WDR17: variants seen among roughly 807,000 people sequenced by gnomAD.
WDR17 encodes WD repeat-containing protein 17.
Under a neutral mutation model 161.7 loss-of-function variants are expected in WDR17, and 143 were observed. The observed-to-expected ratio is 0.88, with a 90% CI of 0.77 to 1.02. The LOEUF is 1.02. Among genes scored for constraint, WDR17 ranks in the 50% least tolerant of loss-of-function variants. The pLI, the probability that WDR17 is intolerant of heterozygous loss-of-function variation, is 0.00. For synonymous variants in WDR17, 517 were observed against 515.6 expected, an observed-to-expected ratio of 1.00 and a Z score of -0.04; for missense variants, 1,469 against 1,520.9, an observed-to-expected ratio of 0.97 and a Z score of 0.57.
chr4:176,151,760 CA>C (rs1747153775), intron 16 of WDR17, 51 bp from the exon 17 acceptor site: 13 of 1,482,896 alleles, frequency 8.8e-6, no homozygotes, highest in Non-Finnish European at 1.1e-5. Flanking sequence ...GTGACACATA[CA>C]AAACAAAATA....
At position 176,179,669 on chromosome 4, in the gene WDR17, G is replaced by C. The variant is rs1751954731; in HGVS notation, c.*90G>C. The C allele has an allele frequency of 2.3e-6, 3 of 1,304,234 alleles. No homozygotes were observed. Among genetic ancestry groups the C allele is most frequent in the African/African-American group, 1.5e-5 (1 of 66,098 alleles). 80.8% of individuals were successfully genotyped at this position (1,304,234 alleles called of 1,614,324 possible). ...CTTAATCTTTGTTGCTCAAGTGCCA[G>C]AGGTTGGGAGAAGGATTGCAGGTTG... On this transcript the variant is annotated 3_prime_UTR_variant, in exon 29 of 29. Coordinates refer to ENST00000508596, the MANE Select transcript of WDR17 (RefSeq NM_181265.4).
At position 176,125,306 on chromosome 4, in the gene WDR17, A is replaced by G; in HGVS notation, c.741A>G (p.Val247=). 6.2e-7 allele frequency: 1 copy of G among 1,614,150 alleles called. No individual in the cohort carries two copies. The highest frequency in any genetic ancestry group is 2.2e-5 in the East Asian group (1 of 44,870). The change falls in exon 5 of 29, where the codon GTA becomes GTG. Residue 247 remains valine, a synonymous_variant. Transcript: ENST00000508596. Reference sequence around the variant, plus strand: ...ATCTTCCCAGTGCAGCAGCTTCTGTACAGTGCTTAGCCTGGGTTCCCAGTG... The same window carrying G: ...ATCTTCCCAGTGCAGCAGCTTCTGTGCAGTGCTTAGCCTGGGTTCCCAGTG... ...TFNLPSAAAS[V]QCLAWVPSAP...
rs138721671 is a variant in WDR17 at position 176,092,943 on chromosome 4, G to A, written c.-6-18632G>A. ...TGTGGTCCCAGCTACTTTGGTGGTTGAGGCATGAGAATCGCTTGAACCTGG... is the reference window on the plus strand; with the variant it reads ...TGTGGTCCCAGCTACTTTGGTGGTTAAGGCATGAGAATCGCTTGAACCTGG... On this transcript the variant is annotated intron_variant, in intron 1 of 28. Coordinates refer to ENST00000508596, the MANE Select transcript of WDR17 (RefSeq NM_181265.4). Among the ~76,000 whole-genome samples, 944 of 152,264 alleles carry A rather than the reference G, an allele frequency of 6.2e-3. 9 individuals are homozygous for A. The highest frequency in any genetic ancestry group is 0.022 in the African/African-American group (900 of 41,560).
chr4:176,147,882 A>G (rs1377115599), intron 12 of WDR17, among the ~76,000 whole-genome samples: 1 of 152,148 alleles, frequency 6.6e-6, no homozygotes, highest in Non-Finnish European at 1.5e-5. Context: ...CTATAAAGAA[A>G]AGTATGTGAG....
intron 15 of WDR17, 89 bp downstream of exon 15, chr4:176,150,262 C>G (rs960104649): frequency 1.3e-6 from 2 of 1,533,396 alleles, no homozygotes; most frequent in Non-Finnish European, 1.8e-6. Flanking sequence ...TTACATGTAC[C>G]ATTCTAATTC....
At chr4:176,163,128 A>T (rs1422777011) in intron 21 of WDR17, 26 bp from the exon 22 acceptor site, 8 of 1,613,994 alleles carry the variant, frequency 5.0e-6, no homozygotes, top group Non-Finnish European at 6.8e-6. Context: ...TATGCAACTG[A>T]AGAAATTATT....
intron 23 of WDR17, among the ~76,000 whole-genome samples, chr4:176,170,418 C>T (rs113136600): frequency 0.033 from 5,026 of 150,920 alleles, 255 homozygotes; most frequent in African/African-American, 0.11. Flanking sequence ...TGGGTTCAAG[C>T]GATTCTCCTG....
intron 1 of WDR17, among the ~76,000 whole-genome samples, chr4:176,104,412 T>C (rs1390515245): frequency 6.6e-6 from 1 of 152,100 alleles, no homozygotes; most frequent in Non-Finnish European, 1.5e-5. Flanking sequence ...TCATCATCAT[T>C]TAAGAGAATA....
chr4:176,144,367 TA>T (rs1386945857), intron 11 of WDR17, among the ~76,000 whole-genome samples: 3 of 152,218 alleles, frequency 2.0e-5, no homozygotes, highest in Non-Finnish European at 4.4e-5. Flanking sequence ...CCAACTACGT[TA>T]TCTGTGTTAA....
At chr4:176,177,746 A>G in intron 28 of WDR17, 92 bp downstream of exon 28, 1 of 1,348,636 alleles carries the variant, frequency 7.4e-7, no homozygotes, top group South Asian at 1.4e-5. Flanking sequence ...TTTGGATAAA[A>G]GTAGGTAATT....
intron 22 of WDR17, among the ~76,000 whole-genome samples, chr4:176,167,175 TA>T (rs1018993321): frequency 1.3e-5 from 2 of 152,136 alleles, no homozygotes; most frequent in African/African-American, 2.4e-5. Context: ...TCTTAAGTTT[TA>T]AAAAAGAATT....
At chr4:176,126,423 A>G (rs112795926) in intron 5 of WDR17, among the ~76,000 whole-genome samples, 6,956 of 152,298 alleles carry the variant, frequency 0.046, 237 homozygotes, top group Non-Finnish European at 0.07. Flanking sequence ...AGCGTAAAAT[A>G]ATAGGCAAAG....
intron 3 of WDR17, among the ~76,000 whole-genome samples, chr4:176,118,391 A>T (rs553905657): frequency 6.8e-4 from 104 of 152,188 alleles, no homozygotes; most frequent in Middle Eastern, 6.8e-3. Context: ...GGTAAATTCT[A>T]CTTCTGTTAA....
intron 21 of WDR17, among the ~76,000 whole-genome samples, chr4:176,162,468 GA>G: frequency 6.6e-6 from 1 of 152,206 alleles, no homozygotes; most frequent in South Asian, 2.1e-4. Context: ...GTAGTAAAGG[GA>G]AGAATCACTG....
At chr4:176,143,708 C>CT (rs1426570833) in intron 11 of WDR17, among the ~76,000 whole-genome samples, 20 of 151,844 alleles carry the variant, frequency 1.3e-4, no homozygotes, top group Non-Finnish European at 1.6e-4. Flanking sequence ...TATAAATACT[C>CT]TTTTTTTTCC....
intron 1 of WDR17, among the ~76,000 whole-genome samples, chr4:176,100,918 A>G (rs187922672): frequency 6.6e-6 from 1 of 151,818 alleles, no homozygotes; most frequent in African/African-American, 2.4e-5. Context: ...TATTTCTGGG[A>G]TCTCTATTCT....
At chr4:176,079,732 C>T (rs960814777) in intron 1 of WDR17, among the ~76,000 whole-genome samples, 73 of 152,080 alleles carry the variant, frequency 4.8e-4, no homozygotes, top group East Asian at 1.9e-4. Flanking sequence ...CTTACCATTA[C>T]GGAAGCTAAG....
chr4:176,141,199 G>T lies in WDR17; in HGVS notation c.1443-784G>T, dbSNP rs548201986. Among the ~76,000 whole-genome samples, 100 of 152,150 alleles carry T rather than the reference G, an allele frequency of 6.6e-4. 1 individual carries two copies. Among genetic ancestry groups the T allele is most frequent in the African/African-American group, 2.1e-3 (89 of 41,514 alleles). On this transcript the variant is annotated intron_variant, in intron 10 of 28. Coordinates refer to ENST00000508596, the MANE Select transcript of WDR17 (RefSeq NM_181265.4). ...ATAGAATCCTTTTCTTATGGCAGGGGATGGGGGATCATCTCTGAATTTTAG... is the reference window on the plus strand; with the variant it reads ...ATAGAATCCTTTTCTTATGGCAGGGTATGGGGGATCATCTCTGAATTTTAG...
chr4:176,093,427 T>G (rs1213436419), intron 1 of WDR17, among the ~76,000 whole-genome samples: 2 of 152,164 alleles, frequency 1.3e-5, no homozygotes, highest in Non-Finnish European at 1.5e-5. Flanking sequence ...CTTGTGTGCT[T>G]GACTATTCAA....
Sources: allele counts gnomAD v4.1 joint callset (sites outside exome capture counted in the v4.1 genomes callset), GRCh38; gene constraint gnomAD v4.1.1; transcripts MANE v1.5; gene names NCBI Gene and HGNC (gene_info 2026-07-23, HGNC 2026-07-21).